Variants in SMAD6 observed in about 807,000 individuals in gnomAD.
The protein encoded by SMAD6 is SMAD family member 6.
SMAD6 carries 103 observed loss-of-function variants against 39.4 expected under a neutral mutation model. The ratio of observed to expected loss-of-function variants is 2.62; its 90% confidence interval spans 2.23 to 3.08. SMAD6 has a LOEUF of 3.08. Ranked by LOEUF, SMAD6 falls within the 30% of genes most tolerant of loss-of-function variation. The pLI, the probability that SMAD6 is intolerant of heterozygous loss-of-function variation, is 0.00. For missense variants in SMAD6, 1,104 were observed against 742.9 expected (o/e 1.49, Z -5.65); for synonymous variants, 445 against 353.3 (o/e 1.26, Z -2.91).
At chr15:66,778,385 GT>G (rs1894502978) in intron 3 of SMAD6, among the ~76,000 whole-genome samples, 1 of 152,158 alleles carries the variant, frequency 6.6e-6, no homozygotes, top group South Asian at 2.1e-4. Context: ...GAAAGAGAAA[GT>G]CGCTTCCCCT....
chr15:66,724,738 C>A (rs1248696650), intron 3 of SMAD6, among the ~76,000 whole-genome samples: 1 of 152,146 alleles, frequency 6.6e-6, no homozygotes, highest in East Asian at 1.9e-4. Flanking sequence ...CACCCCAAGC[C>A]CCCCAGTGGC....
chr15:66,781,388 C>G lies in SMAD6; in HGVS notation c.1344C>G (p.His448Gln). Residue 448 changes from histidine to glutamine, a missense_variant, in exon 4 of 4, where the codon CAC (histidine) becomes CAG (glutamine). Physicochemically the swap from His to Gln is conservative, Grantham distance 24 (BLOSUM62 0). Coordinates refer to ENST00000288840, the MANE Select transcript of SMAD6 (RefSeq NM_005585.5). ...VFDFERSGLQ[H>Q]APEPDAADGP... ...ACTTCGAGCGCTCGGGCCTGCAGCA[C>G]GCGCCCGAGCCCGACGCCGCCGACG... 1.9e-6 allele frequency: 3 copies of G among 1,601,966 alleles called. No homozygotes were observed. The highest frequency in any genetic ancestry group is 1.1e-5 in the South Asian group (1 of 90,910).
At chr15:66,776,246 T>C (rs946649430) in intron 3 of SMAD6, among the ~76,000 whole-genome samples, 2 of 152,208 alleles carry the variant, frequency 1.3e-5, no homozygotes, top group African/African-American at 4.8e-5. Flanking sequence ...TCCATGGCAG[T>C]GACCCTGGGC....
At chr15:66,772,699 A>G (rs1384817284) in intron 3 of SMAD6, among the ~76,000 whole-genome samples, 1 of 152,232 alleles carries the variant, frequency 6.6e-6, no homozygotes, top group African/African-American at 2.4e-5. Context: ...TCCCTGTGTT[A>G]CAGGTTAGGA....
At chr15:66,756,485 G>A (rs997157255) in intron 3 of SMAD6, among the ~76,000 whole-genome samples, 4 of 152,260 alleles carry the variant, frequency 2.6e-5, no homozygotes, top group Non-Finnish European at 4.4e-5. Context: ...GAACTGTACC[G>A]TTTCTTTTCC....
intron 3 of SMAD6, among the ~76,000 whole-genome samples, chr15:66,732,537 A>T (rs889796436): frequency 3.0e-4 from 45 of 151,662 alleles, no homozygotes; most frequent in Non-Finnish European, 5.4e-4. Flanking sequence ...TATTTTATAT[A>T]TTTTTCTAGA....
chr15:66,781,091 GTACGACCAGGCCGTCAGCATCTTC>G lies in SMAD6; in HGVS notation c.1055_1078del (p.Gln352_Asp359del). The G allele has an allele frequency of 6.2e-7, 1 of 1,608,074 alleles. No homozygotes were observed. Among genetic ancestry groups the G allele is most frequent in the Non-Finnish European group, 8.5e-7 (1 of 1,179,412 alleles). On this transcript the variant is annotated inframe_deletion, in exon 4 of 4. Coordinates refer to ENST00000288840, the MANE Select transcript of SMAD6 (RefSeq NM_005585.5). ...CGCGCGTGGGCCGCCTCTATGCGGT[GTACGACCAGGCCGTCAGCATCTTC>G]TACGACCTACCTCAGGGCAGCGGCT...
At chr15:66,728,222 T>G (rs1161769512) in intron 3 of SMAD6, among the ~76,000 whole-genome samples, 1 of 152,110 alleles carries the variant, frequency 6.6e-6, no homozygotes, top group African/African-American at 2.4e-5. Flanking sequence ...AAGCCCCCTC[T>G]CATGTCCCCT....
chr15:66,731,316 T>A (rs1893624124), intron 3 of SMAD6, among the ~76,000 whole-genome samples: 1 of 150,670 alleles, frequency 6.6e-6, no homozygotes. Context: ...CGGGCGCCTG[T>A]AGTCCCAGCT....
At chr15:66,718,812 TA>T (rs1343189492) in intron 3 of SMAD6, among the ~76,000 whole-genome samples, 1 of 151,966 alleles carries the variant, frequency 6.6e-6, no homozygotes, top group Non-Finnish European at 1.5e-5. Context: ...GGAAATGGCC[TA>T]GGGGGTGACA....
intron 3 of SMAD6, among the ~76,000 whole-genome samples, chr15:66,756,507 G>T (rs1388324239): frequency 6.6e-6 from 1 of 152,192 alleles, no homozygotes; most frequent in Non-Finnish European, 1.5e-5. Context: ...ATTTTTAACG[G>T]TTTCAGGATT....
rs776151817 is a variant in SMAD6, at chr15:66,703,234, C to A, written c.-25C>A. Reference sequence around the variant, plus strand: ...CGGTAACCGGAGACCGCCTCCCCCCCACCCCTGGCGCCAAAGGATATCGTA... The same window carrying A: ...CGGTAACCGGAGACCGCCTCCCCCCAACCCCTGGCGCCAAAGGATATCGTA... On this transcript the variant is annotated 5_prime_UTR_variant, in exon 1 of 4. Coordinates refer to ENST00000288840, the MANE Select transcript of SMAD6 (RefSeq NM_005585.5). 156 of 1,366,666 alleles carry A rather than the reference C, an allele frequency of 1.1e-4. 2 individuals carry two copies. The East Asian group carries it at 3.9e-3, about 34-fold the overall frequency. The allele number at this position is 1,366,666 out of a possible 1,614,324, so 84.7% of individuals were successfully genotyped here.
In SMAD6 at chr15:66,703,748, C is replaced by A. The variant is rs942270946; in HGVS notation, c.490C>A (p.Arg164=). The A allele has an allele frequency of 7.2e-7, 1 of 1,390,592 alleles. No individual in the cohort carries two copies. Among genetic ancestry groups the A allele is most frequent in the Non-Finnish European group, 9.4e-7 (1 of 1,059,372 alleles). The allele number at this position is 1,390,592 out of a possible 1,614,324, so 86.1% of individuals were successfully genotyped here. A position where few individuals can be genotyped will look rare whatever the true frequency, so the allele number is the denominator to read the frequency against. The change falls in exon 1 of 4, where the codon CGG becomes AGG. Residue 164 remains arginine, a synonymous_variant. Coordinates refer to ENST00000288840, the MANE Select transcript of SMAD6 (RefSeq NM_005585.5). ...GGGRSREARS[R]LLLLEQELKT... ...CGGGCGGAGTCGCGAAGCGCGCTCG[C>A]GGCTGCTGCTGCTGGAGCAGGAACT...
At chr15:66,718,732 C>T (rs919778211) in intron 3 of SMAD6, among the ~76,000 whole-genome samples, 10 of 152,114 alleles carry the variant, frequency 6.6e-5, no homozygotes, top group East Asian at 3.9e-4. Context: ...TTAAGCTGCC[C>T]GCCTGCCTAC....
chr15:66,753,434 C>T (rs986522087), intron 3 of SMAD6, among the ~76,000 whole-genome samples: 2 of 152,218 alleles, frequency 1.3e-5, no homozygotes, highest in Admixed American at 6.5e-5. Context: ...CACTGCTGCT[C>T]TAGGCACCAT....
chr15:66,739,251 T>C (rs964020966), intron 3 of SMAD6, among the ~76,000 whole-genome samples: 27 of 152,102 alleles, frequency 1.8e-4, no homozygotes, highest in African/African-American at 6.5e-4. Context: ...CCATCACGCC[T>C]GGCTAATTTT....
chr15:66,707,875 T>G (rs1893149912), intron 1 of SMAD6: 1 of 152,256 alleles, frequency 6.6e-6, no homozygotes, highest in Admixed American at 6.5e-5. Flanking sequence ...GCTGGAAAGA[T>G]GGGGGTGTAA....
At chr15:66,773,417 C>A (rs1250307910) in intron 3 of SMAD6, among the ~76,000 whole-genome samples, 1 of 152,136 alleles carries the variant, frequency 6.6e-6, no homozygotes, top group East Asian at 1.9e-4. Flanking sequence ...AGAAAAAGAG[C>A]CTCTAATTAA....
intron 3 of SMAD6, among the ~76,000 whole-genome samples, chr15:66,778,175 G>C (rs1419117372): frequency 2.0e-5 from 3 of 151,846 alleles, no homozygotes; most frequent in Middle Eastern, 3.4e-3. Flanking sequence ...TTCAAACTTG[G>C]GCTCAAGCAA....
Sources: allele counts gnomAD v4.1 joint callset (sites outside exome capture counted in the v4.1 genomes callset), GRCh38; gene constraint gnomAD v4.1.1; transcripts MANE v1.5; gene names NCBI Gene and HGNC (gene_info 2026-07-23, HGNC 2026-07-21).